HOMER2: variants seen among roughly 807,000 people sequenced by gnomAD.
The protein encoded by HOMER2 is homer protein homolog 2.
Under a neutral mutation model 47.0 loss-of-function variants are expected in HOMER2, and 27 were observed. That is an observed-to-expected ratio of 0.57 (90% CI 0.42 to 0.79). The LOEUF (loss-of-function observed/expected upper bound fraction) is 0.79, where lower values mean the gene tolerates loss of function less well. Among genes scored for constraint, HOMER2 ranks in the 30% least tolerant of loss-of-function variants. HOMER2 has a pLI of 0.00. For synonymous variants in HOMER2, 161 were observed against 163.8 expected (o/e 0.98, Z 0.13); for missense variants, 443 against 435.0 (o/e 1.02, Z -0.16).
chr15:82,919,085 T>C (rs1214908110), intron 1 of HOMER2, among the ~76,000 whole-genome samples: 1 of 152,212 alleles, frequency 6.6e-6, no homozygotes, highest in Non-Finnish European at 1.5e-5. Flanking sequence ...GTCCCAGGGC[T>C]GGGCACTGTT....
chr15:82,920,920 C>T (rs2053712488), intron 1 of HOMER2, among the ~76,000 whole-genome samples: 1 of 150,926 alleles, frequency 6.6e-6, no homozygotes, highest in Admixed American at 6.6e-5. Flanking sequence ...TGGGCTCAAG[C>T]AATCCTCTTA....
intron 3 of HOMER2, among the ~76,000 whole-genome samples, chr15:82,864,845 A>C (rs915288421): frequency 6.6e-6 from 1 of 152,248 alleles, no homozygotes; most frequent in Non-Finnish European, 1.5e-5. Flanking sequence ...CCATTAGCTT[A>C]TTGCCACTAA....
chr15:82,952,771 C>CCCCAGCCGCTACCCCCGCT, upstream of HOMER2: 1 of 910,658 alleles, frequency 1.1e-6, no homozygotes, highest in Non-Finnish European at 1.3e-6. Context: ...GCCCCGCCCT[C>CCCCAGCCGCTACCCCCGCT]CCCAGCCGCT....
intron 1 of HOMER2, among the ~76,000 whole-genome samples, chr15:82,932,121 T>G (rs1277303960): frequency 6.6e-6 from 1 of 151,896 alleles, no homozygotes; most frequent in East Asian, 1.9e-4. Context: ...CCATCCATAT[T>G]ATGGAAGACA....
intron 4 of HOMER2, among the ~76,000 whole-genome samples, chr15:82,862,216 T>A (rs1477648925): frequency 1.3e-5 from 2 of 151,956 alleles, no homozygotes; most frequent in Non-Finnish European, 2.9e-5. Flanking sequence ...AAAAAATACA[T>A]ACAATAACCT....
rs751264428 is a variant in HOMER2 at position 82,854,773 on chromosome 15, G to A, written c.522C>T (p.Ile174=). ...QSAANVKKWE[I]ELQTLRESNA... The stretch of plus-strand genomic sequence containing the variant: ...TGCTCTCCCGAAGGGTCTGCAGCTC[G>A]ATCTCCCACTTCTTCACGTTGGCTG... Residue 174 remains isoleucine, a synonymous_variant, in exon 6 of 9, where the codon ATC becomes ATT. Transcript: ENST00000450735. 2.0e-5 allele frequency: 32 copies of A among 1,610,706 alleles called. No homozygotes were observed. The highest frequency in any genetic ancestry group is 1.3e-4 in the East Asian group (6 of 44,878).
At chr15:82,959,796 C>A (rs1475133893) in intron 1 of HOMER2, among the ~76,000 whole-genome samples, 11 of 152,124 alleles carry the variant, frequency 7.2e-5, no homozygotes. Context: ...AGTTTAGGAA[C>A]TGGTGGAACA....
chr15:82,942,878 G>A (rs1298513351), intron 1 of HOMER2, among the ~76,000 whole-genome samples: 2 of 152,134 alleles, frequency 1.3e-5, no homozygotes, highest in Non-Finnish European at 2.9e-5. Context: ...GGTAAGCCTC[G>A]GATTGCCTGA....
chr15:82,871,959 C>G (rs2052188336), intron 3 of HOMER2, among the ~76,000 whole-genome samples: 1 of 152,186 alleles, frequency 6.6e-6, no homozygotes, highest in South Asian at 2.1e-4. Flanking sequence ...GAGTGATTCT[C>G]TCAAACCATC....
chr15:82,982,837 C>T (rs1309044818), intron 1 of HOMER2, among the ~76,000 whole-genome samples: 1 of 152,182 alleles, frequency 6.6e-6, no homozygotes, highest in Non-Finnish European at 1.5e-5. Context: ...TCAATTGTCA[C>T]ACTGCCCCTC....
At chr15:82,931,692 G>A (rs2054015546) in intron 1 of HOMER2, among the ~76,000 whole-genome samples, 1 of 152,140 alleles carries the variant, frequency 6.6e-6, no homozygotes, top group South Asian at 2.1e-4. Flanking sequence ...CAAAAAATTA[G>A]TTGGGTGTGG....
At chr15:82,868,543 T>TATATATATATATATATATATATATCTA (rs1567023464) in intron 3 of HOMER2, among the ~76,000 whole-genome samples, 1 of 36,832 alleles carries the variant, frequency 2.7e-5, no homozygotes, top group African/African-American at 9.0e-5. Flanking sequence ...ATATATATAT[T>TATATATATATATATATATATATATCTA]TTTTTTTTTT....
At chr15:82,871,154 C>G (rs2052164369) in intron 3 of HOMER2, among the ~76,000 whole-genome samples, 1 of 152,186 alleles carries the variant, frequency 6.6e-6, no homozygotes. Context: ...ACAGCTTCTA[C>G]TATTTTTGGA....
In HOMER2 at chr15:82,892,789, T is replaced by C; in HGVS notation, c.58A>G (p.Thr20Ala). The change falls in exon 2 of 9, where the codon ACC (threonine) becomes GCC (alanine). Residue 20 changes from threonine (T) to alanine (A), a missense_variant. Physicochemically the swap from Thr to Ala is moderately conservative, Grantham distance 58. Coordinates refer to ENST00000450735, the MANE Select transcript of HOMER2 (RefSeq NM_004839.4). ...CTCGCAGGCATCCAGTTCTTCTTGG[T>C]GTTGGGGTCAATCTGGAAGACATGC... ...RAHVFQIDPN[T>A]KKNWMPASKQ... is the part of the protein sequence containing the mutation. 6.2e-7 allele frequency: 1 copy of C among 1,605,958 alleles called. No individual in the cohort carries two copies. Among genetic ancestry groups the C allele is most frequent in the Non-Finnish European group, 8.5e-7 (1 of 1,174,466 alleles).
chr15:82,845,279 G>A (rs2051226622), downstream of HOMER2: 3 of 141,706 alleles, frequency 2.1e-5, no homozygotes, highest in African/African-American at 8.0e-5. Context: ...CACATACACA[G>A]TCGTAAGTTC....
At chr15:82,926,927 G>A (rs543824418) in intron 1 of HOMER2, among the ~76,000 whole-genome samples, 3 of 151,642 alleles carry the variant, frequency 2.0e-5, no homozygotes, top group Admixed American at 6.6e-5. Context: ...TGGTAAGCCA[G>A]TAAATTTCTG....
intron 2 of HOMER2, among the ~76,000 whole-genome samples, chr15:82,890,041 TAAGG>T (rs2052658191): frequency 6.6e-6 from 1 of 152,130 alleles, no homozygotes; most frequent in Non-Finnish European, 1.5e-5. Flanking sequence ...GCCACAGCAC[TAAGG>T]GAGGAACACG....
At position 82,930,020 on chromosome 15, in the gene HOMER2, C is replaced by T. The variant is rs142001197; in HGVS notation, c.5+22511G>A. On this transcript the variant is annotated intron_variant, in intron 1 of 8. Coordinates refer to ENST00000450735, the MANE Select transcript of HOMER2 (RefSeq NM_004839.4). ...CTGGGATTACAGGCGTGAGCCACCACGCCCGGCCTAACACAGCTTTTCTGA... is the reference window on the plus strand; with the variant it reads ...CTGGGATTACAGGCGTGAGCCACCATGCCCGGCCTAACACAGCTTTTCTGA... 5.3e-5 allele frequency among the ~76,000 whole-genome samples: 8 copies of T among 152,306 alleles called. No individual in the cohort carries two copies. The South Asian group carries it at 1.4e-3, about 28-fold the overall frequency.
At chr15:82,946,468 A>T (rs1369449314) in intron 1 of HOMER2, among the ~76,000 whole-genome samples, 1 of 152,182 alleles carries the variant, frequency 6.6e-6, no homozygotes, top group Non-Finnish European at 1.5e-5. Flanking sequence ...CAAGCCAGGC[A>T]TGCCCCTGCC....
Sources: allele counts gnomAD v4.1 joint callset (sites outside exome capture counted in the v4.1 genomes callset), GRCh38; gene constraint gnomAD v4.1.1; transcripts MANE v1.5; gene names NCBI Gene and HGNC (gene_info 2026-07-23, HGNC 2026-07-21).